Variants in GNS observed in about 807,000 individuals in gnomAD.
The protein encoded by GNS is glucosamine (N-acetyl)-6-sulfatase.
Under a neutral mutation model 69.7 loss-of-function variants are expected in GNS, and 40 were observed. The observed-to-expected ratio is 0.57, with a 90% CI of 0.45 to 0.75. The LOEUF is 0.75. Among genes scored for constraint, GNS ranks in the 30% least tolerant of loss-of-function variants. The pLI, the probability that GNS is intolerant of heterozygous loss-of-function variation, is 0.00. For missense variants in GNS, 565 were observed against 685.5 expected, an observed-to-expected ratio of 0.82 and a Z score of 1.96; for synonymous variants, 243 against 251.6, an observed-to-expected ratio of 0.97 and a Z score of 0.32.
intron 10 of GNS, among the ~76,000 whole-genome samples, chr12:64,723,724 C>T (rs1368970027): frequency 1.3e-5 from 2 of 152,114 alleles, no homozygotes; most frequent in Admixed American, 1.3e-4. Flanking sequence ...AATCTAGGAA[C>T]GGGAGCAAGT....
chr12:64,737,645 G>GA, intron 8 of GNS, among the ~76,000 whole-genome samples: 1 of 152,274 alleles, frequency 6.6e-6, no homozygotes, highest in South Asian at 2.1e-4. Context: ...TGGAACAACA[G>GA]AAAAGCTCAT....
At chr12:64,738,315 C>T (rs977302431) in intron 8 of GNS, among the ~76,000 whole-genome samples, 25 of 152,268 alleles carry the variant, frequency 1.6e-4, no homozygotes, top group Middle Eastern at 3.4e-3. Flanking sequence ...TGGTGGTCTG[C>T]ATCTTGATAC....
intron 3 of GNS, among the ~76,000 whole-genome samples, chr12:64,747,064 A>C (rs1280082751): frequency 2.6e-5 from 4 of 152,228 alleles, no homozygotes; most frequent in African/African-American, 9.6e-5. Context: ...GTAAAAGCTA[A>C]GGCCAATGTG....
chr12:64,754,433 T>TA (rs1870181209), intron 1 of GNS, among the ~76,000 whole-genome samples: 1 of 151,830 alleles, frequency 6.6e-6, no homozygotes, highest in East Asian at 1.9e-4. Context: ...TCAGGCTGGG[T>TA]ATATAGCAAG....
intron 13 of GNS, among the ~76,000 whole-genome samples, chr12:64,718,738 T>G (rs182638055): frequency 6.6e-6 from 1 of 152,370 alleles, no homozygotes; most frequent in East Asian, 1.9e-4. Context: ...TGGCTTTAAG[T>G]TCCCAGAGTC....
intron 2 of GNS, among the ~76,000 whole-genome samples, 168 bp from the exon 3 acceptor site, chr12:64,748,086 T>C (rs1201227357): frequency 2.0e-5 from 3 of 152,240 alleles, no homozygotes; most frequent in Non-Finnish European, 4.4e-5. Flanking sequence ...AGGGCTGCTT[T>C]AAATCATAGT....
At position 64,729,064 on chromosome 12, in the gene GNS, G is replaced by A; in HGVS notation, c.1099-7C>T. On this transcript the variant is annotated splice_polypyrimidine_tract_variant and splice_region_variant and intron_variant, in intron 9 of 13. Coordinates refer to ENST00000258145, the MANE Select transcript of GNS (RefSeq NM_002076.4). ...CAATGTTGGCAACCAGCATCTATGA[G>A]AATGAGGGAAAAACAATCTAGAACA... 1 of 1,451,430 alleles carries A rather than the reference G, an allele frequency of 6.9e-7. No individual in the cohort carries two copies. The highest frequency in any genetic ancestry group is 9.7e-7 in the Non-Finnish European group (1 of 1,031,666). The allele number at this position is 1,451,430 out of a possible 1,614,324, so 89.9% of individuals were successfully genotyped here. A position where few individuals can be genotyped will look rare whatever the true frequency, so the allele number is the denominator to read the frequency against.
intron 13 of GNS, among the ~76,000 whole-genome samples, chr12:64,719,160 A>G (rs754723746): frequency 1.3e-5 from 2 of 152,230 alleles, no homozygotes; most frequent in African/African-American, 2.4e-5. Flanking sequence ...TGAACAGTCT[A>G]TCATCGAGTT....
At chr12:64,749,003 G>T (rs192040958) in intron 2 of GNS, among the ~76,000 whole-genome samples, 1 of 152,068 alleles carries the variant, frequency 6.6e-6, no homozygotes, top group Admixed American at 6.5e-5. Context: ...GCAGTGGCGC[G>T]ATCTTGGCTC....
At chr12:64,719,480 TA>T (rs1868957690) in intron 13 of GNS, among the ~76,000 whole-genome samples, 4 of 152,174 alleles carry the variant, frequency 2.6e-5, no homozygotes, top group Non-Finnish European at 5.9e-5. Context: ...AAATCTGACA[TA>T]GCAGGTGACA....
rs372597004 is a variant in GNS at position 64,747,571 on chromosome 12, G to A, written c.459+141C>T. 542 of 650,112 alleles carry A rather than the reference G, an allele frequency of 8.3e-4. 1 individual carries two copies. Among genetic ancestry groups the A allele is most frequent in the East Asian group, 3.7e-3 (135 of 36,636 alleles). The allele number at this position is 650,112 out of a possible 1,614,324, so 40.3% of individuals were successfully genotyped here. A position where few individuals can be genotyped will look rare whatever the true frequency, so the allele number is the denominator to read the frequency against. On this transcript the variant is annotated intron_variant, in intron 3 of 13. Transcript: ENST00000258145. ...ATATGAACATATTTACATGATATGG[G>A]TACTTGTTTAATGGGCAGATTCACA...
In GNS at chr12:64,716,704, C is replaced by A. The variant is rs142001509; in HGVS notation, c.*37G>T. On this transcript the variant is annotated 3_prime_UTR_variant, in exon 14 of 14. Transcript: ENST00000258145. Reference sequence around the variant, plus strand: ...CTACAATCACTTCATCAGAAAGAGGCGTGCAGGGATCCATCTGCAGAGGCT... The same window carrying A: ...CTACAATCACTTCATCAGAAAGAGGAGTGCAGGGATCCATCTGCAGAGGCT... 8.4e-4 allele frequency: 1,027 copies of A among 1,225,678 alleles called. 18 individuals are homozygous for A. In the Middle Eastern group the frequency reaches 0.026, roughly 31 times the overall value. 75.9% of individuals were successfully genotyped at this position (1,225,678 alleles called of 1,614,324 possible). A position where few individuals can be genotyped will look rare whatever the true frequency, so the allele number is the denominator to read the frequency against.
At chr12:64,723,578 G>C (rs1220500802) in intron 10 of GNS, among the ~76,000 whole-genome samples, 1 of 152,212 alleles carries the variant, frequency 6.6e-6, no homozygotes, top group Non-Finnish European at 1.5e-5. Flanking sequence ...CAGGTTCAAA[G>C]CACCTCTTGA....
Position 64,723,093 on chromosome 12 carries a change from G to T in GNS, c.1221C>A (p.Thr407=). ...ATTCCACCAGGACATCTGATCGCCA[G>T]GTCAAGTTACTGGCACCTCTCTAGA... ...LPILRGASNL[T]WRSDVLVEYQ... The change falls in exon 11 of 14, where the codon ACC becomes ACA. Residue 407 remains threonine, a synonymous_variant. Coordinates refer to ENST00000258145, the MANE Select transcript of GNS (RefSeq NM_002076.4). The T allele has an allele frequency of 6.2e-7, 1 of 1,609,558 alleles. No homozygotes were observed.
chr12:64,719,979 T>A (rs752132201), intron 13 of GNS, 43 bp downstream of exon 13: 1 of 1,415,206 alleles, frequency 7.1e-7, no homozygotes. Context: ...GCATGTCTAC[T>A]AGAAAAAACT....
At position 64,722,044 on chromosome 12, in the gene GNS, G is replaced by A. The variant is rs1486318609; in HGVS notation, c.1309-339C>T. Among the ~76,000 whole-genome samples the A allele has an allele frequency of 4.0e-5, 6 of 149,354 alleles. No individual in the cohort carries two copies. In the South Asian group the frequency reaches 6.3e-4, roughly 16 times the overall value. ...GACTCCTTTCTTTTTTTTTTTTTGC[G>A]ATGGAGTTTTGCTCTTGTCGTGCAG... On this transcript the variant is annotated intron_variant, in intron 11 of 13. Coordinates refer to ENST00000258145, the MANE Select transcript of GNS (RefSeq NM_002076.4).
intron 1 of GNS, among the ~76,000 whole-genome samples, chr12:64,754,733 A>T (rs981104116): frequency 6.6e-6 from 1 of 152,068 alleles, no homozygotes; most frequent in Non-Finnish European, 1.5e-5. Context: ...TACAAAAAAT[A>T]TAAAAATTAG....
At chr12:64,740,757 AG>A in intron 6 of GNS, 69 bp from the exon 7 acceptor site, 1 of 779,110 alleles carries the variant, frequency 1.3e-6, no homozygotes, top group Non-Finnish European at 2.3e-6. Context: ...GGATTACTAC[AG>A]TAGATAATAA....
chr12:64,747,087 C>T (rs181970719), intron 3 of GNS, among the ~76,000 whole-genome samples: 1 of 152,330 alleles, frequency 6.6e-6, no homozygotes, highest in East Asian at 1.9e-4. Flanking sequence ...AATGTGGGCA[C>T]ATGGAATCCA....
Sources: allele counts gnomAD v4.1 joint callset (sites outside exome capture counted in the v4.1 genomes callset), GRCh38; gene constraint gnomAD v4.1.1; transcripts MANE v1.5; gene names NCBI Gene and HGNC (gene_info 2026-07-23, HGNC 2026-07-21).